Variants in KHK observed in about 807,000 individuals in gnomAD.
KHK encodes ketohexokinase, also known as fructokinase.
Under a neutral mutation model 36.0 loss-of-function variants are expected in KHK, and 37 were observed. That is an observed-to-expected ratio of 1.03 (90% confidence interval 0.79 to 1.35). The LOEUF is 1.35. Ranked by LOEUF, KHK falls within the 40% of genes most tolerant of loss-of-function variation. The probability of loss-of-function intolerance (pLI) is 0.00; values close to 1 mark genes in which losing one functional copy is unlikely to be tolerated. For synonymous variants in KHK, 161 were observed against 162.8 expected (o/e 0.99, Z 0.08); for missense variants, 395 against 391.9 (o/e 1.01, Z -0.07).
intron 1 of KHK, 32 bp downstream of exon 1, chr2:27,087,383 A>T: frequency 3.4e-6 from 5 of 1,479,968 alleles, no homozygotes; most frequent in Non-Finnish European, 4.6e-6. Flanking sequence ...AGGGGACCCC[A>T]GGGGCTGCTG....
chr2:27,091,917 C>G (rs1339573990), intron 1 of KHK, among the ~76,000 whole-genome samples: 1 of 152,038 alleles, frequency 6.6e-6, no homozygotes, highest in Admixed American at 6.5e-5. Flanking sequence ...GGAAGAGGCA[C>G]TTAGTCCCCG....
chr2:27,098,614 GTGTTT>G (rs1250843963), intron 5 of KHK, among the ~76,000 whole-genome samples: 3 of 152,194 alleles, frequency 2.0e-5, no homozygotes, highest in Non-Finnish European at 2.9e-5. Context: ...CAAGGCTTCG[GTGTTT>G]TGTTTTTTGT....
At chr2:27,098,627 T>C (rs1670561170) in intron 5 of KHK, among the ~76,000 whole-genome samples, 1 of 152,198 alleles carries the variant, frequency 6.6e-6, no homozygotes, top group Non-Finnish European at 1.5e-5. Flanking sequence ...TTTTGTTTTT[T>C]GTTTTTACCA....
In KHK at chr2:27,087,747, A is replaced by C. The variant is rs531843898; in HGVS notation, c.92+396A>C. Among the ~76,000 whole-genome samples, 10 of 152,338 alleles carry C rather than the reference A, an allele frequency of 6.6e-5. No homozygotes were observed. In the South Asian group the frequency reaches 2.1e-3, roughly 32 times the overall value. On this transcript the variant is annotated intron_variant, in intron 1 of 7. Transcript: ENST00000260598. Reference sequence around the variant, plus strand: ...CAAGCCTATGCACTTGCCTCTCATCAACATTTACTTCTAACTTATTTATCC... The same window carrying C: ...CAAGCCTATGCACTTGCCTCTCATCCACATTTACTTCTAACTTATTTATCC...
At chr2:27,087,869 T>A (rs1669755292) in intron 1 of KHK, 1 of 152,540 alleles carries the variant, frequency 6.6e-6, no homozygotes, top group Non-Finnish European at 1.5e-5. Flanking sequence ...ACCATGGTAT[T>A]TGAGCTTCAA....
chr2:27,094,831 G>T lies in KHK; in HGVS notation c.241G>T (p.Val81Leu). ...FLVADFRRRG[V>L]DVSQVAWQSK... ...GGTGGCCGACTTCAGGCGGCGGGGCGTGGACGTGTCTCAGGTGGCCTGGCA... is the reference window on the plus strand; with the variant it reads ...GGTGGCCGACTTCAGGCGGCGGGGCTTGGACGTGTCTCAGGTGGCCTGGCA... The change falls in exon 3 of 8, where the codon GTG becomes TTG. Residue 81 changes from valine to leucine, a missense_variant. Transcript: ENST00000260598. 1 of 1,614,030 alleles carries T rather than the reference G, an allele frequency of 6.2e-7. No individual in the cohort carries two copies. The highest frequency in any genetic ancestry group is 8.5e-7 in the Non-Finnish European group (1 of 1,180,048).
chr2:27,092,567 C>T (rs764676816), intron 2 of KHK, 119 bp downstream of exon 2: 58 of 770,174 alleles, frequency 7.5e-5, no homozygotes, highest in Non-Finnish European at 1.0e-4. Context: ...AGCAGAAACG[C>T]GGGGAGGGGG....
At position 27,097,625 on chromosome 2, in the gene KHK, C is replaced by A; in HGVS notation, c.540C>A (p.Phe180Leu). The change falls in exon 5 of 8, where the codon TTC becomes TTA. Residue 180 changes from phenylalanine to leucine, a missense_variant. By Grantham distance (22) the Phe-to-Leu change is conservative (BLOSUM62 0). Transcript: ENST00000260598. ...TGGAGAAGCCACGAGAGGAGCTCTTCCAGCTGTTTGGCTACGGAGACGTGG... is the reference window on the plus strand; with the variant it reads ...TGGAGAAGCCACGAGAGGAGCTCTTACAGCTGTTTGGCTACGGAGACGTGG... ...VEVEKPREEL[F>L]QLFGYGDVVF... is the part of the protein sequence containing the mutation. 6.2e-7 allele frequency: 1 copy of A among 1,614,146 alleles called. No homozygotes were observed. Among genetic ancestry groups the A allele is most frequent in the Non-Finnish European group, 8.5e-7 (1 of 1,180,054 alleles).
At chr2:27,099,307 G>A (rs763706345) in intron 6 of KHK, 23 bp downstream of exon 6, 1 of 1,613,770 alleles carries the variant, frequency 6.2e-7, no homozygotes, top group Non-Finnish European at 8.5e-7. Context: ...AGCCAGGAAG[G>A]GGCTTTAGAA....
At chr2:27,092,174 C>T (rs1670048233) in intron 1 of KHK, among the ~76,000 whole-genome samples, 158 bp from the exon 2 acceptor site, 1 of 152,236 alleles carries the variant, frequency 6.6e-6, no homozygotes, top group Non-Finnish European at 1.5e-5. Context: ...AGCTCCTTCC[C>T]TTGGCCGGCC....
chr2:27,093,766 C>T (rs1049760420), intron 2 of KHK, among the ~76,000 whole-genome samples: 2 of 152,222 alleles, frequency 1.3e-5, no homozygotes, highest in African/African-American at 4.8e-5. Context: ...TGGGGCTGAC[C>T]TCCTTGTCCT....
At chr2:27,090,646 G>T (rs1375423207) in intron 1 of KHK, among the ~76,000 whole-genome samples, 1 of 151,336 alleles carries the variant, frequency 6.6e-6, no homozygotes, top group African/African-American at 2.4e-5. Context: ...GTAGAGACAG[G>T]GTTTCAACAT....
At chr2:27,093,417 G>A (rs560238429) in intron 2 of KHK, among the ~76,000 whole-genome samples, 7 of 152,310 alleles carry the variant, frequency 4.6e-5, no homozygotes, top group Admixed American at 3.9e-4. Flanking sequence ...CCTTTACATA[G>A]CAATCAGGCC....
rs1212689655 is a variant in KHK at position 27,100,433 on chromosome 2, G to A, written c.*683G>A. On this transcript the variant is annotated 3_prime_UTR_variant, in exon 8 of 8. Transcript: ENST00000260598. ...GAGCCCACCTTGGAATTAAGGGCGT[G>A]CCTCAGCCACAAATGTGACCCAGGA... is the stretch of plus-strand genomic sequence containing the variant. 7.7e-7 allele frequency: 1 copy of A among 1,290,956 alleles called. No homozygotes were observed. The highest frequency in any genetic ancestry group is 1.0e-6 in the Non-Finnish European group (1 of 988,814). 80.0% of individuals were successfully genotyped at this position (1,290,956 alleles called of 1,614,324 possible). A position where few individuals can be genotyped will look rare whatever the true frequency, so the allele number is the denominator to read the frequency against.
intron 3 of KHK, among the ~76,000 whole-genome samples, chr2:27,095,284 G>T (rs1324919707): frequency 1.3e-5 from 2 of 152,216 alleles, no homozygotes; most frequent in African/African-American, 4.8e-5. Context: ...AGGACAGAAG[G>T]GTGGGAGATG....
chr2:27,091,426 T>C (rs1669997996), intron 1 of KHK, among the ~76,000 whole-genome samples: 1 of 152,160 alleles, frequency 6.6e-6, no homozygotes, highest in South Asian at 2.1e-4. Context: ...GTGCTCCCCT[T>C]TTCCCAAAAC....
chr2:27,086,906 T>G lies in KHK; in HGVS notation c.-354T>G, dbSNP rs1456523107. ...TTCTCGAGATCGCTTAGCCGCGCTT[T>G]AAAAAGGTTTGCATCAGCTGTGAGT... On this transcript the variant is annotated 5_prime_UTR_variant, in exon 1 of 8. Transcript: ENST00000260598. 2 of 210,700 alleles carry G rather than the reference T, an allele frequency of 9.5e-6. No homozygotes were observed. The highest frequency in any genetic ancestry group is 1.9e-5 in the Non-Finnish European group (2 of 104,340). 13.1% of individuals were successfully genotyped at this position (210,700 alleles called of 1,614,324 possible).
intron 1 of KHK, among the ~76,000 whole-genome samples, chr2:27,090,547 C>CTCT (rs1553341863): frequency 0.056 from 8,453 of 149,612 alleles, 798 homozygotes; most frequent in African/African-American, 0.2. Context: ...CTCTGCCTCC[C>CTCT]GGGTTCAAAA....
intron 3 of KHK, among the ~76,000 whole-genome samples, chr2:27,096,478 A>C (rs1670357988): frequency 6.6e-6 from 1 of 152,134 alleles, no homozygotes; most frequent in South Asian, 2.1e-4. Context: ...AGACCTTGCC[A>C]GTTGACATGT....
Sources: allele counts gnomAD v4.1 joint callset (sites outside exome capture counted in the v4.1 genomes callset), GRCh38; gene constraint gnomAD v4.1.1; transcripts MANE v1.5; gene names NCBI Gene and HGNC (gene_info 2026-07-23, HGNC 2026-07-21).